The following SMOX variants were observed in gnomAD, a reference collection of about 807,000 sequenced individuals.
SMOX encodes spermine oxidase.
Under a neutral mutation model 51.0 loss-of-function variants are expected in SMOX, and 22 were observed. That is an observed-to-expected ratio of 0.43 (90% CI 0.31 to 0.62). SMOX has a LOEUF of 0.62. Ranked by LOEUF, SMOX falls within the 20% of genes least tolerant of loss-of-function variation. The pLI is 0.10. For synonymous variants in SMOX, 282 were observed against 307.8 expected (o/e 0.92, Z 0.88); for missense variants, 566 against 777.7 (o/e 0.73, Z 3.24).
chr20:4,173,821 G>T (rs1462721550), intron 1 of SMOX, among the ~76,000 whole-genome samples: 2 of 152,246 alleles, frequency 1.3e-5, no homozygotes, highest in Non-Finnish European at 2.9e-5. Context: ...TGAGCTGAGT[G>T]GTTCCTCAGG....
chr20:4,183,373 C>G lies in SMOX; in HGVS notation c.1370-121C>G. ...CCTCTTCTATCCTCCGTGCCTACCCCTGGCAGTCTGGTCCTCCCGGAGCCC... is the reference window on the plus strand; with the variant it reads ...CCTCTTCTATCCTCCGTGCCTACCCGTGGCAGTCTGGTCCTCCCGGAGCCC... On this transcript the variant is annotated intron_variant, in intron 5 of 6. Transcript: ENST00000305958. This position sits in a 1 kb window ranked among gnomAD's most constrained non-coding sequence, Gnocchi z 4.3. The G allele has an allele frequency of 6.9e-7, 1 of 1,448,602 alleles. No individual in the cohort carries two copies. The highest frequency in any genetic ancestry group is 9.6e-7 in the Non-Finnish European group (1 of 1,037,398). The allele number at this position is 1,448,602 out of a possible 1,614,324, so 89.7% of individuals were successfully genotyped here. A position where few individuals can be genotyped will look rare whatever the true frequency, so the allele number is the denominator to read the frequency against.
chr20:4,168,121 G>C (rs1182926949), intron 1 of SMOX, among the ~76,000 whole-genome samples: 1 of 151,788 alleles, frequency 6.6e-6, no homozygotes, highest in East Asian at 1.9e-4. Context: ...AGCGGGGTAG[G>C]GGTGGGGGGG....
rs531445822 is a variant in SMOX at position 4,182,867 on chromosome 20, G to A, written c.1369+19G>A. On this transcript the variant is annotated intron_variant, in intron 5 of 6. Transcript: ENST00000305958. The surrounding 1 kb of genome is among the most constrained non-coding windows in gnomAD (Gnocchi z 8.4). ...TTCACAGGTGCGCCACGTGCCCCAC[G>A]ACCCGCTTCCCCCACCCTGCTTCTT... is the stretch of plus-strand genomic sequence containing the variant. 1.6e-5 allele frequency: 25 copies of A among 1,589,528 alleles called. No individual in the cohort carries two copies. The highest frequency in any genetic ancestry group is 4.5e-5 in the East Asian group (2 of 44,642).
intron 1 of SMOX, among the ~76,000 whole-genome samples, chr20:4,169,095 A>G (rs768319039): frequency 6.6e-6 from 1 of 151,916 alleles, no homozygotes; most frequent in Non-Finnish European, 1.5e-5. Flanking sequence ...CTACAGGTAC[A>G]TTTCACCACA....
At position 4,175,210 on chromosome 20, in the gene SMOX, C is replaced by G; in HGVS notation, c.155C>G (p.Thr52Ser). The G allele has an allele frequency of 6.2e-7, 1 of 1,614,242 alleles. No homozygotes were observed. Among genetic ancestry groups the G allele is most frequent in the East Asian group, 2.2e-5 (1 of 44,878 alleles). ...CTTGAGCAGGGTTTCACGGATGTCA[C>G]TGTGCTTGAGGCTTCCAGCCACATC... ...ALLEQGFTDVTVLEASSHIGG... is the reference protein window; with the variant it reads ...ALLEQGFTDVSVLEASSHIGG... Residue 52 changes from threonine (T) to serine (S), a missense_variant, in exon 2 of 7, where the codon ACT becomes AGT. Transcript: ENST00000305958.
At position 4,167,357 on chromosome 20, in the gene SMOX, T is replaced by C. The variant is rs1323469901; in HGVS notation, c.-26-7673T>C. Among the ~76,000 whole-genome samples the C allele has an allele frequency of 1.3e-5, 2 of 152,148 alleles. No individual in the cohort carries two copies. The highest frequency in any genetic ancestry group is 3.8e-4 in the East Asian group (2 of 5,196). On this transcript the variant is annotated intron_variant, in intron 1 of 6. Coordinates refer to ENST00000305958, the MANE Select transcript of SMOX (RefSeq NM_175839.3). This position sits in a 1 kb window ranked among gnomAD's most constrained non-coding sequence, Gnocchi z 4.8. Reference sequence around the variant, plus strand: ...AGGAAAGGTGACTTCTGTACTGGTCTCTTTGGGGATCTTCCTCCCTCTCCC... The same window carrying C: ...AGGAAAGGTGACTTCTGTACTGGTCCCTTTGGGGATCTTCCTCCCTCTCCC...
Position 4,182,818 on chromosome 20 carries a change from A to G in SMOX, c.1339A>G (p.Ile447Val). The G allele has an allele frequency of 6.2e-7, 1 of 1,609,832 alleles. No individual in the cohort carries two copies. The highest frequency in any genetic ancestry group is 2.2e-5 in the East Asian group (1 of 44,872). ...GTGTGATGACGAGGCAGTGGCCGAGATCTGCACGGAGATGCTGCGTCAGTT... is the reference window on the plus strand; with the variant it reads ...GTGTGATGACGAGGCAGTGGCCGAGGTCTGCACGGAGATGCTGCGTCAGTT... Reference protein sequence around the residue: ...EKCDDEAVAEICTEMLRQFTG... With the variant: ...EKCDDEAVAEVCTEMLRQFTG... The change falls in exon 5 of 7, where the codon ATC (isoleucine) becomes GTC (valine). Residue 447 changes from isoleucine to valine, a missense_variant. Physicochemically the swap from Ile to Val is conservative, Grantham distance 29 (BLOSUM62 3). Transcript: ENST00000305958. This position sits in a 1 kb window ranked among gnomAD's most constrained non-coding sequence, Gnocchi z 8.4.
chr20:4,183,325 C>A lies in SMOX; in HGVS notation c.1370-169C>A. The A allele has an allele frequency of 2.1e-6, 2 of 946,218 alleles. No individual in the cohort carries two copies. The highest frequency in any genetic ancestry group is 3.2e-6 in the Non-Finnish European group (2 of 616,706). The allele number at this position is 946,218 out of a possible 1,614,324, so 58.6% of individuals were successfully genotyped here. A position where few individuals can be genotyped will look rare whatever the true frequency, so the allele number is the denominator to read the frequency against. The stretch of plus-strand genomic sequence containing the variant: ...CAGGAGGCGCTGAGTGGGTACACAG[C>A]TCGAGCCCCAGCCTCCCTCCTTCCT... On this transcript the variant is annotated intron_variant, in intron 5 of 6. Coordinates refer to ENST00000305958, the MANE Select transcript of SMOX (RefSeq NM_175839.3). This position sits in a 1 kb window ranked among gnomAD's most constrained non-coding sequence, Gnocchi z 4.3.
intron 1 of SMOX, among the ~76,000 whole-genome samples, chr20:4,156,823 A>C (rs1386346805): frequency 6.6e-6 from 1 of 151,856 alleles, no homozygotes; most frequent in African/African-American, 2.4e-5. Context: ...GCTCATTGCA[A>C]CCTCCACCTC....
intron 1 of SMOX, among the ~76,000 whole-genome samples, chr20:4,157,371 A>G (rs1313710890): frequency 5.9e-5 from 9 of 152,204 alleles, no homozygotes; most frequent in Non-Finnish European, 2.9e-5. Flanking sequence ...AAAGCGGCAC[A>G]AGGCTTAGGT....
intron 1 of SMOX, among the ~76,000 whole-genome samples, chr20:4,165,244 C>T (rs1040151446): frequency 2.0e-5 from 3 of 151,800 alleles, no homozygotes; most frequent in African/African-American, 4.8e-5. Context: ...TTAGTAGAGA[C>T]GGGTTTTCAC....
intron 1 of SMOX, among the ~76,000 whole-genome samples, chr20:4,157,964 G>C (rs1352051400): frequency 3.3e-5 from 5 of 152,014 alleles, no homozygotes; most frequent in African/African-American, 4.8e-5. Context: ...GCAGCGGCGC[G>C]ATCTCGGCTC....
rs1249720567 is a variant in SMOX at position 4,172,177 on chromosome 20, G to T, written c.-26-2853G>T. ...AGAGCCACTGCAGCCATCCCTTTCC[G>T]TAGTGGATAGGAGACTGTGTGTGGG... On this transcript the variant is annotated intron_variant, in intron 1 of 6. Transcript: ENST00000305958. This position sits in a 1 kb window ranked among gnomAD's most constrained non-coding sequence, Gnocchi z 7.7. Among the ~76,000 whole-genome samples, 1 of 152,264 alleles carries T rather than the reference G, an allele frequency of 6.6e-6. No individual in the cohort carries two copies. Among genetic ancestry groups the T allele is most frequent in the Non-Finnish European group, 1.5e-5 (1 of 68,040 alleles).
intron 1 of SMOX, among the ~76,000 whole-genome samples, chr20:4,154,965 T>C (rs1305518378): frequency 6.6e-6 from 1 of 151,852 alleles, no homozygotes; most frequent in Admixed American, 6.6e-5. Flanking sequence ...TCTGGGTGCT[T>C]GGGTCATAGA....
Position 4,182,904 on chromosome 20 carries a change from C to T in SMOX, c.1369+56C>T. 6.5e-7 allele frequency: 1 copy of T among 1,549,540 alleles called. No homozygotes were observed. On this transcript the variant is annotated intron_variant, in intron 5 of 6. Coordinates refer to ENST00000305958, the MANE Select transcript of SMOX (RefSeq NM_175839.3). The surrounding 1 kb of genome is among the most constrained non-coding windows in gnomAD (Gnocchi z 8.4). ...CCACCCTGCTTCTTCCTCACCTGCC[C>T]TCCTCTGGTGGACCCATGGCAGCTC... is the stretch of plus-strand genomic sequence containing the variant.
Position 4,183,710 on chromosome 20 carries a change from T to A in SMOX, c.1530+56T>A. ...GTTGTGGGTGTATTTTGTATGTGTG[T>A]CCGGTCCAGGGTGAGGAGGGCTAGG... On this transcript the variant is annotated intron_variant, in intron 6 of 6. Coordinates refer to ENST00000305958, the MANE Select transcript of SMOX (RefSeq NM_175839.3). This position sits in a 1 kb window ranked among gnomAD's most constrained non-coding sequence, Gnocchi z 4.3. The A allele has an allele frequency of 6.6e-7, 1 of 1,519,324 alleles. No homozygotes were observed. Among genetic ancestry groups the A allele is most frequent in the Non-Finnish European group, 8.8e-7 (1 of 1,140,368 alleles). 94.1% of individuals were successfully genotyped at this position (1,519,324 alleles called of 1,614,324 possible).
intron 1 of SMOX, among the ~76,000 whole-genome samples, chr20:4,159,355 G>A (rs1359242047): frequency 2.0e-5 from 3 of 152,118 alleles, no homozygotes; most frequent in Non-Finnish European, 4.4e-5. Flanking sequence ...CAAGTGATCC[G>A]CCCACTTCGA....
chr20:4,164,183 C>T (rs1450402638), intron 1 of SMOX, among the ~76,000 whole-genome samples: 1 of 152,112 alleles, frequency 6.6e-6, no homozygotes, highest in Non-Finnish European at 1.5e-5. Context: ...TCTCTGAGGC[C>T]TGGGGCCCTG....
rs1986641170 is a variant in SMOX at position 4,167,994 on chromosome 20, G to A, written c.-26-7036G>A. Among the ~76,000 whole-genome samples the A allele has an allele frequency of 6.6e-6, 1 of 152,060 alleles. No individual in the cohort carries two copies. Among genetic ancestry groups the A allele is most frequent in the Non-Finnish European group, 1.5e-5 (1 of 68,002 alleles). On this transcript the variant is annotated intron_variant, in intron 1 of 6. Coordinates refer to ENST00000305958, the MANE Select transcript of SMOX (RefSeq NM_175839.3). This position sits in a 1 kb window ranked among gnomAD's most constrained non-coding sequence, Gnocchi z 4.8. ...TTTGAAGAATAATTGCATTGTCTGG[G>A]GGGCCTCAAGAATCCAAATCCCTCC...
Sources: gnomAD v4.1 joint callset for allele counts (sites outside exome capture counted in the v4.1 genomes callset) on GRCh38, gnomAD v4.1.1 for gene constraint, Gnocchi (gnomAD v3.1) non-coding constraint, MANE v1.5 for transcripts, NCBI Gene and HGNC (gene_info 2026-07-23, HGNC 2026-07-21) for gene names.